The following SEMA5A variants were observed in gnomAD, a reference collection of about 807,000 sequenced individuals.
SEMA5A encodes the protein semaphorin-5A.
Under a neutral mutation model 135.5 loss-of-function variants are expected in SEMA5A, and 55 were observed. The ratio of observed to expected loss-of-function variants is 0.41; its 90% confidence interval spans 0.33 to 0.51. SEMA5A has a LOEUF of 0.51. Ranked by LOEUF, SEMA5A falls within the 20% of genes least tolerant of loss-of-function variation. The probability of loss-of-function intolerance (pLI) is 0.37; values close to 1 mark genes in which losing one functional copy is unlikely to be tolerated. For synonymous variants in SEMA5A, 580 were observed against 546.5 expected (o/e 1.06, Z -0.85); for missense variants, 1,290 against 1,419.9 (o/e 0.91, Z 1.47).
intron 13 of SEMA5A, among the ~76,000 whole-genome samples, chr5:9,135,648 TG>T (rs1229804976): frequency 1.3e-5 from 2 of 152,200 alleles, no homozygotes; most frequent in Non-Finnish European, 2.9e-5. Context: ...GCCACACCTC[TG>T]TCTTGCAGAG....
intron 1 of SEMA5A, chr5:9,512,011 G>A (rs989060486): frequency 2.0e-5 from 3 of 152,136 alleles, no homozygotes; most frequent in African/African-American, 7.2e-5. Context: ...AGAGACAAAA[G>A]AAGAAAAGTC....
intron 8 of SEMA5A, among the ~76,000 whole-genome samples, chr5:9,209,789 A>G (rs992954929): frequency 2.0e-5 from 3 of 152,226 alleles, no homozygotes; most frequent in Admixed American, 6.5e-5. Context: ...ATAAATAAAA[A>G]GTTCAATAGA....
At chr5:9,328,662 G>T (rs1329133058) in intron 4 of SEMA5A, among the ~76,000 whole-genome samples, 1 of 152,154 alleles carries the variant, frequency 6.6e-6, no homozygotes, top group African/African-American at 2.4e-5. Flanking sequence ...TGCAATCTCA[G>T]CTACTCGGGA....
chr5:9,368,013 T>C (rs889674211), intron 3 of SEMA5A, among the ~76,000 whole-genome samples: 1 of 152,234 alleles, frequency 6.6e-6, no homozygotes, highest in African/African-American at 2.4e-5. Flanking sequence ...TTGTACAGCC[T>C]GCAGAACTGT....
At chr5:9,149,895 AG>A (rs1413789234) in intron 12 of SEMA5A, among the ~76,000 whole-genome samples, 3 of 152,224 alleles carry the variant, frequency 2.0e-5, no homozygotes, top group Non-Finnish European at 4.4e-5. Context: ...CAGAGCTCAT[AG>A]GGTAGCAGGT....
intron 18 of SEMA5A, among the ~76,000 whole-genome samples, chr5:9,054,699 A>G (rs1012783954): frequency 6.6e-6 from 1 of 152,134 alleles, no homozygotes; most frequent in East Asian, 1.9e-4. Context: ...ACTTAAAGCC[A>G]AGGTAAGTAG....
At chr5:9,511,009 A>C (rs911924824) in intron 1 of SEMA5A, among the ~76,000 whole-genome samples, 1 of 152,158 alleles carries the variant, frequency 6.6e-6, no homozygotes, top group Admixed American at 6.5e-5. Flanking sequence ...TTTCGTTTGC[A>C]TCTGTGGCCG....
chr5:9,217,032 C>A (rs1235224198), intron 8 of SEMA5A, among the ~76,000 whole-genome samples: 2 of 152,086 alleles, frequency 1.3e-5, no homozygotes. Context: ...ATGTTGTTAG[C>A]TGGTTATTAT....
chr5:9,515,877 T>C (rs1561314061), intron 1 of SEMA5A, among the ~76,000 whole-genome samples: 1 of 152,220 alleles, frequency 6.6e-6, no homozygotes, highest in East Asian at 1.9e-4. Flanking sequence ...TGGAGACCCA[T>C]AGGACATCTC....
chr5:9,195,532 T>A (rs1745341928), intron 10 of SEMA5A, among the ~76,000 whole-genome samples: 1 of 152,200 alleles, frequency 6.6e-6, no homozygotes, highest in African/African-American at 2.4e-5. Flanking sequence ...TTCAGTGTTA[T>A]CAAAATTTAC....
chr5:9,211,721 A>G (rs1806043), intron 8 of SEMA5A, among the ~76,000 whole-genome samples: 4,471 of 152,310 alleles, frequency 0.029, 234 homozygotes, highest in African/African-American at 0.1. Flanking sequence ...GTAAATTATC[A>G]TTAATCATTA....
At chr5:9,419,627 C>A (rs1757395691) in intron 2 of SEMA5A, among the ~76,000 whole-genome samples, 1 of 152,050 alleles carries the variant, frequency 6.6e-6, no homozygotes, top group Non-Finnish European at 1.5e-5. Context: ...CACAGGTGGG[C>A]CCTGATAAGG....
chr5:9,220,396 T>C (rs1364030428), intron 8 of SEMA5A, among the ~76,000 whole-genome samples: 2 of 145,852 alleles, frequency 1.4e-5, no homozygotes, highest in Non-Finnish European at 3.0e-5. Context: ...TCAGGATAGA[T>C]GGGAATCCAA....
At chr5:9,228,188 G>A (rs1226438526) in intron 6 of SEMA5A, among the ~76,000 whole-genome samples, 3 of 152,180 alleles carry the variant, frequency 2.0e-5, no homozygotes, top group African/African-American at 7.2e-5. Context: ...GACACACAGA[G>A]GAATAGCATA....
rs1286968468 is a variant in SEMA5A, at chr5:9,299,526, G to A, written c.270+18846C>T. Among the ~76,000 whole-genome samples the A allele has an allele frequency of 1.5e-4, 23 of 152,154 alleles. 1 individual carries two copies. The highest frequency in any genetic ancestry group is 1.5e-3 in the Admixed American group (23 of 15,282). ...TGTATTTTTACCAGCTTCCAATCTT[G>A]GGTGGGGTGCTGACCAGTGGAGTGG... On this transcript the variant is annotated intron_variant, in intron 5 of 22. Transcript: ENST00000382496.
intron 18 of SEMA5A, among the ~76,000 whole-genome samples, chr5:9,055,879 TAA>T (rs11291379): frequency 3.7e-3 from 540 of 146,932 alleles, no homozygotes; most frequent in Non-Finnish European, 3.5e-3. Flanking sequence ...CTTTAAAAAT[TAA>T]AAAAAAAAAA....
At chr5:9,232,812 T>C (rs1278333395) in intron 6 of SEMA5A, among the ~76,000 whole-genome samples, 1 of 152,232 alleles carries the variant, frequency 6.6e-6, no homozygotes, top group Non-Finnish European at 1.5e-5. Flanking sequence ...CCCTCAATTT[T>C]TAAAGCAATT....
chr5:9,461,262 T>C (rs1561272032), intron 1 of SEMA5A, among the ~76,000 whole-genome samples: 1 of 152,178 alleles, frequency 6.6e-6, no homozygotes, highest in African/African-American at 2.4e-5. Context: ...TTGGTTTTGT[T>C]CTCCTCAAGG....
intron 8 of SEMA5A, among the ~76,000 whole-genome samples, chr5:9,212,049 G>T (rs1402745404): frequency 1.3e-5 from 2 of 152,162 alleles, no homozygotes; most frequent in South Asian, 2.1e-4. Flanking sequence ...TGTTAATAAG[G>T]CTACGTGGAT....
Sources: gnomAD v4.1 joint callset for allele counts (sites outside exome capture counted in the v4.1 genomes callset) on GRCh38, gnomAD v4.1.1 for gene constraint, MANE v1.5 for transcripts, NCBI Gene and HGNC (gene_info 2026-07-23, HGNC 2026-07-21) for gene names.